Variants in EHMT1 observed in about 807,000 individuals in gnomAD.
EHMT1 encodes histone-lysine N-methyltransferase EHMT1.
EHMT1 carries 15 observed loss-of-function variants against 147.2 expected under a neutral mutation model. The observed-to-expected ratio is 0.10, with a 90% CI of 0.07 to 0.16. The LOEUF is 0.16. EHMT1 is among the 10% of genes least tolerant of loss of function. The probability of loss-of-function intolerance (pLI) is 1.00; values close to 1 mark genes in which losing one functional copy is unlikely to be tolerated. For missense variants in EHMT1, 1,587 were observed against 1,772.4 expected (o/e 0.90, Z 1.88); for synonymous variants, 795 against 709.6 (o/e 1.12, Z -1.91).
At chr9:137,632,897 G>T (rs1843724206) in intron 1 of EHMT1, among the ~76,000 whole-genome samples, 1 of 152,218 alleles carries the variant, frequency 6.6e-6, no homozygotes, top group Admixed American at 6.5e-5. Context: ...AGGGCAGTAG[G>T]AGGGTTTCAA....
intron 1 of EHMT1, among the ~76,000 whole-genome samples, chr9:137,669,802 C>T (rs187076907): frequency 6.6e-6 from 1 of 152,174 alleles, no homozygotes; most frequent in African/African-American, 2.4e-5. Context: ...ATCCTCCCAT[C>T]TGGGCCTCTC....
chr9:137,777,918 G>T lies in EHMT1; in HGVS notation c.2055G>T (p.Leu685=). Residue 685 remains leucine, a synonymous_variant, in exon 13 of 27, where the codon CTG becomes CTT. Transcript: ENST00000460843. The part of the protein sequence containing the change: ...AGPPLSEDDK[L]QGAASHVPEG... ...CACCACTCTCGGAGGACGACAAGCT[G>T]CAGGGTGCAGCCTCCCACGTGCCCG... 1.9e-6 allele frequency: 3 copies of T among 1,613,694 alleles called. No individual in the cohort carries two copies. In the South Asian group the frequency reaches 3.3e-5, roughly 18 times the overall value.
chr9:137,637,646 T>C (rs953304576), intron 1 of EHMT1: 16 of 152,248 alleles, frequency 1.1e-4, no homozygotes, highest in Admixed American at 9.8e-4. Flanking sequence ...TCGTTTTCTG[T>C]GTGTTATCTT....
intron 25 of EHMT1, chr9:137,820,194 T>A (rs1955292637): frequency 6.6e-6 from 1 of 152,242 alleles, no homozygotes; most frequent in Non-Finnish European, 1.5e-5. Context: ...AAATGACTTG[T>A]GTTTCATAGA....
chr9:137,817,946 A>G (rs1955058569), intron 24 of EHMT1, 114 bp from the exon 25 acceptor site: 2 of 1,000,816 alleles, frequency 2.0e-6, no homozygotes, highest in East Asian at 2.4e-5. Context: ...TGTTCCCTGC[A>G]TGTTCTTCTG....
chr9:137,780,562 A>G (rs1290593948), intron 14 of EHMT1, among the ~76,000 whole-genome samples: 3 of 95,772 alleles, frequency 3.1e-5, no homozygotes, highest in East Asian at 3.2e-4. Context: ...TGATGGCATC[A>G]CTGAGATGTG....
intron 3 of EHMT1, among the ~76,000 whole-genome samples, chr9:137,725,875 G>A (rs1046909948): frequency 6.6e-6 from 1 of 152,112 alleles, no homozygotes; most frequent in Non-Finnish European, 1.5e-5. Flanking sequence ...CAAGCCAGGT[G>A]CTACCCTGTT....
intron 1 of EHMT1, among the ~76,000 whole-genome samples, chr9:137,635,453 G>A (rs985150228): frequency 3.3e-5 from 5 of 151,456 alleles, no homozygotes; most frequent in African/African-American, 1.2e-4. Context: ...CTGACCTCGT[G>A]ATTCGCCCTC....
In EHMT1 at chr9:137,795,427, ACTCT is replaced by A. The variant is rs57072562; in HGVS notation, c.2506-3384_2506-3381del. ...CACACACACACACACACACACACAC[ACTCT>A]CACACTCACATACACACACAGACAC... On this transcript the variant is annotated intron_variant, in intron 16 of 26. Transcript: ENST00000460843. Among the ~76,000 whole-genome samples the A allele has an allele frequency of 6.8e-3, 82 of 12,130 alleles. 1 individual carries two copies. The East Asian group carries it at 0.094, about 14-fold the overall frequency. The allele number at this position is 12,130 out of a possible 152,430, so 8.0% of individuals were successfully genotyped here. A position where few individuals can be genotyped will look rare whatever the true frequency, so the allele number is the denominator to read the frequency against.
intron 25 of EHMT1, among the ~76,000 whole-genome samples, chr9:137,820,474 A>G (rs1955319165): frequency 6.6e-6 from 1 of 152,236 alleles, no homozygotes; most frequent in African/African-American, 2.4e-5. Flanking sequence ...AATGATGTCT[A>G]GGAGTGAACA....
intron 23 of EHMT1, 27 bp downstream of exon 23, chr9:137,816,089 C>T (rs756311398): frequency 5.0e-6 from 8 of 1,587,678 alleles, no homozygotes; most frequent in East Asian, 2.3e-5. Context: ...TGCCGGAGCC[C>T]CACATTCTGC....
At chr9:137,832,419 C>G (rs895172671) in intron 25 of EHMT1, among the ~76,000 whole-genome samples, 5 of 148,648 alleles carry the variant, frequency 3.4e-5, no homozygotes, top group Non-Finnish European at 7.4e-5. Flanking sequence ...CACGTGGCCA[C>G]TGCACTTTGC....
At chr9:137,764,863 C>G (rs1378703336) in intron 10 of EHMT1, 1 of 152,224 alleles carries the variant, frequency 6.6e-6, no homozygotes, top group African/African-American at 2.4e-5. Flanking sequence ...CTAAAAGAAT[C>G]TGGATTCCAG....
At chr9:137,785,350 G>T (rs953354273) in intron 15 of EHMT1, 1 of 141,894 alleles carries the variant, frequency 7.0e-6, no homozygotes, top group African/African-American at 3.3e-5. Context: ...GCTGGGCAAG[G>T]CCATGAATGT....
chr9:137,625,394 C>G (rs1843192846), intron 1 of EHMT1, among the ~76,000 whole-genome samples: 2 of 152,030 alleles, frequency 1.3e-5, no homozygotes, highest in South Asian at 2.1e-4. Context: ...TGGAGAGAGA[C>G]AGTCTCACTA....
chr9:137,660,535 ATATTTT>A (rs1349166287), intron 1 of EHMT1, among the ~76,000 whole-genome samples: 1 of 151,932 alleles, frequency 6.6e-6, no homozygotes, highest in African/African-American at 2.4e-5. Context: ...GGCGTTCTGG[ATATTTT>A]TGGCCACTTA....
At chr9:137,692,725 T>G (rs1296113395) in intron 1 of EHMT1, among the ~76,000 whole-genome samples, 1 of 152,114 alleles carries the variant, frequency 6.6e-6, no homozygotes, top group Non-Finnish European at 1.5e-5. Context: ...ATGGTGTGTG[T>G]GTGTCGGACG....
chr9:137,800,657 G>A (rs1953400283), intron 17 of EHMT1: 1 of 585,448 alleles, frequency 1.7e-6, no homozygotes, highest in Admixed American at 2.9e-5. Context: ...TGTTGGGCCT[G>A]GGCCAGTCCT....
intron 1 of EHMT1, among the ~76,000 whole-genome samples, chr9:137,685,662 C>T (rs1214348410): frequency 6.6e-6 from 1 of 152,166 alleles, no homozygotes; most frequent in Non-Finnish European, 1.5e-5. Flanking sequence ...TTCATGGTAG[C>T]TCCATCATTT....
Sources: gnomAD v4.1 joint callset for allele counts (sites outside exome capture counted in the v4.1 genomes callset) on GRCh38, gnomAD v4.1.1 for gene constraint, MANE v1.5 for transcripts, NCBI Gene and HGNC (gene_info 2026-07-23, HGNC 2026-07-21) for gene names.